Variants in SEC63 observed in about 807,000 individuals in gnomAD.
SEC63 encodes the protein translocation protein SEC63 homolog.
Under a neutral mutation model 116.2 loss-of-function variants are expected in SEC63, and 56 were observed. The observed-to-expected ratio is 0.48, with a 90% CI of 0.39 to 0.60. The LOEUF (loss-of-function observed/expected upper bound fraction) is 0.60. Among genes scored for constraint, SEC63 ranks in the 20% least tolerant of loss-of-function variants. The pLI is 0.00. For missense variants in SEC63, 668 were observed against 900.0 expected, an observed-to-expected ratio of 0.74 and a Z score of 3.30; for synonymous variants, 273 against 294.6, an observed-to-expected ratio of 0.93 and a Z score of 0.75.
intron 1 of SEC63, among the ~76,000 whole-genome samples, chr6:107,932,925 C>A (rs1041330972): frequency 1.3e-5 from 2 of 151,980 alleles, no homozygotes; most frequent in Non-Finnish European, 2.9e-5. Flanking sequence ...GAATAACTGT[C>A]CCCCAAGATG....
intron 4 of SEC63, among the ~76,000 whole-genome samples, chr6:107,918,054 A>G (rs988532262): frequency 1.3e-5 from 2 of 152,214 alleles, no homozygotes; most frequent in Non-Finnish European, 2.9e-5. Context: ...CTTTCTTGGT[A>G]GGGGCTAACG....
chr6:107,903,565 T>C (rs571125428), intron 11 of SEC63, among the ~76,000 whole-genome samples: 20 of 152,278 alleles, frequency 1.3e-4, no homozygotes, highest in African/African-American at 4.8e-4. Context: ...GTTAGCTCCG[T>C]GCTGTGGTAT....
At chr6:107,917,921 T>C (rs899283997) in intron 4 of SEC63, among the ~76,000 whole-genome samples, 1 of 152,206 alleles carries the variant, frequency 6.6e-6, no homozygotes, top group African/African-American at 2.4e-5. Flanking sequence ...ACAATGAAGG[T>C]GGCTAAACAA....
At position 107,903,563 on chromosome 6, in the gene SEC63, C is replaced by T. The variant is rs188196947; in HGVS notation, c.1055-565G>A. 5.3e-5 allele frequency among the ~76,000 whole-genome samples: 8 copies of T among 152,198 alleles called. No individual in the cohort carries two copies. In the East Asian group the frequency reaches 5.8e-4, roughly 11 times the overall value. ...TCTACACAAAATGTAAAGTTAGCTC[C>T]GTGCTGTGGTATGCACCTGTAGTTC... On this transcript the variant is annotated intron_variant, in intron 11 of 20. Transcript: ENST00000369002.
At position 107,924,263 on chromosome 6, in the gene SEC63, C is replaced by CA. The variant is rs77315968; in HGVS notation, c.339+554dup. ...TGGGCAACAGAGCAAAACTCCGTCT[C>CA]AAAAAAAAAAAAAGCCTTTAAAAAA... On this transcript the variant is annotated intron_variant, in intron 3 of 20. Coordinates refer to ENST00000369002, the MANE Select transcript of SEC63 (RefSeq NM_007214.5). 3.1e-3 allele frequency among the ~76,000 whole-genome samples: 247 copies of CA among 80,774 alleles called. 1 individual carries two copies. The highest frequency in any genetic ancestry group is 0.012 in the Middle Eastern group (1 of 86). The allele number at this position is 80,774 out of a possible 152,430, so 53.0% of individuals were successfully genotyped here.
chr6:107,915,091 C>T (rs1437672593), intron 4 of SEC63, among the ~76,000 whole-genome samples: 4 of 152,138 alleles, frequency 2.6e-5, no homozygotes, highest in African/African-American at 9.7e-5. Context: ...AATACCACTT[C>T]TAAGAGTTAA....
intron 7 of SEC63, chr6:107,909,276 G>C: frequency 2.4e-6 from 1 of 409,736 alleles, no homozygotes; most frequent in East Asian, 5.4e-5. Flanking sequence ...TGCTCAGGAA[G>C]CTGAGGTGGG....
intron 4 of SEC63, among the ~76,000 whole-genome samples, chr6:107,915,141 T>C (rs993094356): frequency 2.0e-5 from 3 of 152,204 alleles, no homozygotes; most frequent in Non-Finnish European, 4.4e-5. Flanking sequence ...AATTCACATT[T>C]AACAAGCTTA....
intron 1 of SEC63, among the ~76,000 whole-genome samples, chr6:107,942,234 T>C (rs1770392029): frequency 6.6e-6 from 1 of 152,172 alleles, no homozygotes; most frequent in Non-Finnish European, 1.5e-5. Flanking sequence ...GCTTTAACAC[T>C]TTTACAACTC....
At chr6:107,903,123 G>C (rs1249818709) in intron 11 of SEC63, 125 bp from the exon 12 acceptor site, 2 of 973,090 alleles carry the variant, frequency 2.1e-6, no homozygotes, top group Non-Finnish European at 3.2e-6. Context: ...ATCATAGTAA[G>C]ATTTTCCTTT....
In SEC63 at chr6:107,871,670, A is replaced by C; in HGVS notation, c.*34T>G. On this transcript the variant is annotated 3_prime_UTR_variant, in exon 21 of 21. Transcript: ENST00000369002. ...TCCAAAACAGCAAAAAATTGCAAAT[A>C]TGTGCAAACACTGTGGTCCATTCAG... 1 of 1,610,116 alleles carries C rather than the reference A, an allele frequency of 6.2e-7. No individual in the cohort carries two copies. The highest frequency in any genetic ancestry group is 8.5e-7 in the Non-Finnish European group (1 of 1,178,678).
chr6:107,872,627 T>C (rs751954166), intron 20 of SEC63, among the ~76,000 whole-genome samples, 181 bp downstream of exon 20: 4 of 152,146 alleles, frequency 2.6e-5, no homozygotes, highest in Non-Finnish European at 5.9e-5. Flanking sequence ...TTACACTCCT[T>C]AAAAACCTAA....
At chr6:107,910,569 TAC>T (rs1250615389) in intron 7 of SEC63, among the ~76,000 whole-genome samples, 4 of 152,108 alleles carry the variant, frequency 2.6e-5, no homozygotes, top group South Asian at 2.1e-4. Flanking sequence ...GTCATACATA[TAC>T]ACGTGTCATA....
intron 3 of SEC63, 21 bp from the exon 4 acceptor site, chr6:107,921,930 A>C (rs1787567310): frequency 2.9e-6 from 4 of 1,384,716 alleles, no homozygotes; most frequent in Non-Finnish European, 4.1e-6. Context: ...ACAAAAAAAA[A>C]AAACAAGCTT....
chr6:107,938,247 A>ATTT (rs4028676), intron 1 of SEC63, among the ~76,000 whole-genome samples: 86,665 of 133,834 alleles, frequency 0.65, 30,469 homozygotes, highest in South Asian at 0.81. Context: ...TGGTGAGTTA[A>ATTT]TTTTTTTTTT....
chr6:107,921,209 T>A (rs577407919), intron 4 of SEC63, among the ~76,000 whole-genome samples: 45 of 151,592 alleles, frequency 3.0e-4, no homozygotes, highest in African/African-American at 1.0e-3. Context: ...AAAAAAAAAA[T>A]CTAGAAATGG....
chr6:107,913,354 C>T lies in SEC63; in HGVS notation c.514+12G>A, dbSNP rs772907605. On this transcript the variant is annotated intron_variant, in intron 5 of 20. Coordinates refer to ENST00000369002, the MANE Select transcript of SEC63 (RefSeq NM_007214.5). The stretch of plus-strand genomic sequence containing the variant: ...CATATCGCCAATATTTTAAAATCAT[C>T]ATTTACCACACCTTGAGGCCCATCT... 9.7e-6 allele frequency: 15 copies of T among 1,544,472 alleles called. No individual in the cohort carries two copies. Among genetic ancestry groups the T allele is most frequent in the Non-Finnish European group, 1.3e-5 (14 of 1,116,940 alleles).
intron 16 of SEC63, among the ~76,000 whole-genome samples, chr6:107,885,747 A>G (rs911338047): frequency 6.6e-6 from 1 of 152,204 alleles, no homozygotes; most frequent in Non-Finnish European, 1.5e-5. Context: ...CCATATCTTA[A>G]GACTTAACAT....
At chr6:107,879,513 C>T (rs561551075) in intron 18 of SEC63, among the ~76,000 whole-genome samples, 2 of 152,102 alleles carry the variant, frequency 1.3e-5, no homozygotes, top group South Asian at 2.1e-4. Context: ...TTAGTAGAGA[C>T]GGGGTTTTGC....
Sources: allele counts gnomAD v4.1 joint callset (sites outside exome capture counted in the v4.1 genomes callset), GRCh38; gene constraint gnomAD v4.1.1; transcripts MANE v1.5; gene names NCBI Gene and HGNC (gene_info 2026-07-23, HGNC 2026-07-21).